The following CNTNAP2 variants were observed in gnomAD, a reference collection of about 807,000 sequenced individuals.
CNTNAP2 encodes contactin associated protein 2.
Under a neutral mutation model 155.2 loss-of-function variants are expected in CNTNAP2, and 98 were observed. The ratio of observed to expected loss-of-function variants is 0.63; its 90% CI spans 0.54 to 0.75. The LOEUF (loss-of-function observed/expected upper bound fraction) is 0.75, where lower values mean the gene tolerates loss of function less well. CNTNAP2 is among the 30% of genes least tolerant of loss of function. The pLI is 0.00. For synonymous variants in CNTNAP2, 651 were observed against 631.2 expected, an observed-to-expected ratio of 1.03 and a Z score of -0.47; for missense variants, 1,727 against 1,688.1, an observed-to-expected ratio of 1.02 and a Z score of -0.40.
chr7:146,343,207 G>A (rs1794761822), intron 1 of CNTNAP2, among the ~76,000 whole-genome samples: 1 of 151,904 alleles, frequency 6.6e-6, no homozygotes, highest in African/African-American at 2.4e-5. Context: ...ATGAAGATTT[G>A]TGTAAGAATA....
intron 21 of CNTNAP2, among the ~76,000 whole-genome samples, chr7:148,267,654 C>CAAAAAA (rs767655781): frequency 1.1e-5 from 1 of 87,092 alleles, no homozygotes; most frequent in Non-Finnish European, 2.4e-5. Flanking sequence ...GACTCTGTCT[C>CAAAAAA]AAAAAAAAAA....
At chr7:146,741,905 G>A (rs1231375238) in intron 1 of CNTNAP2, among the ~76,000 whole-genome samples, 1 of 151,916 alleles carries the variant, frequency 6.6e-6, no homozygotes, top group Non-Finnish European at 1.5e-5. Context: ...AAAATTGGAA[G>A]GAAAAAACCC....
intron 3 of CNTNAP2, among the ~76,000 whole-genome samples, chr7:146,947,022 A>AATTTATTC (rs1797191666): frequency 6.6e-6 from 1 of 151,826 alleles, no homozygotes; most frequent in Non-Finnish European, 1.5e-5. Flanking sequence ...TAAAAATATC[A>AATTTATTC]ATTTATTTAT....
intron 1 of CNTNAP2, among the ~76,000 whole-genome samples, chr7:146,363,424 A>G (rs1398159540): frequency 6.6e-6 from 1 of 152,238 alleles, no homozygotes; most frequent in Admixed American, 6.5e-5. Flanking sequence ...TCATGGGAAC[A>G]GATTATATTT....
At chr7:146,385,144 A>G (rs191710868) in intron 1 of CNTNAP2, among the ~76,000 whole-genome samples, 4 of 150,810 alleles carry the variant, frequency 2.7e-5, no homozygotes, top group Non-Finnish European at 5.9e-5. Context: ...ACCATATTCC[A>G]TTTTTTTTTC....
chr7:146,702,848 A>G (rs1234507881), intron 1 of CNTNAP2, among the ~76,000 whole-genome samples: 2 of 152,180 alleles, frequency 1.3e-5, no homozygotes, highest in Non-Finnish European at 2.9e-5. Context: ...TAAAGATCAT[A>G]TATAAACAAT....
chr7:146,669,250 A>G (rs577653175), intron 1 of CNTNAP2, among the ~76,000 whole-genome samples: 3 of 152,286 alleles, frequency 2.0e-5, no homozygotes, highest in Admixed American at 2.0e-4. Context: ...AGCAGTTTGA[A>G]GAACAGGCAG....
rs1475022149 is a variant in CNTNAP2, at chr7:146,483,283, ATATATATATATATATATATAT to A, written c.98-290987_98-290967del. ...AGAGCAAGACTCCGTCTAAAAAAAA[ATATATATATATATATATATAT>A]ATATATATATATATATATATATATA... On this transcript the variant is annotated intron_variant, in intron 1 of 23. Transcript: ENST00000361727. Among the ~76,000 whole-genome samples, 10 of 62,728 alleles carry A rather than the reference ATATATATATATATATATATAT, an allele frequency of 1.6e-4. No individual in the cohort carries two copies. The South Asian group carries it at 1.9e-3, about 12-fold the overall frequency. The allele number at this position is 62,728 out of a possible 152,430, so 41.2% of individuals were successfully genotyped here. A position where few individuals can be genotyped will look rare whatever the true frequency, so the allele number is the denominator to read the frequency against.
At chr7:147,637,004 T>G (rs1360395574) in intron 12 of CNTNAP2, among the ~76,000 whole-genome samples, 5 of 151,794 alleles carry the variant, frequency 3.3e-5, no homozygotes, top group African/African-American at 1.2e-4. Context: ...GCTGATGTGT[T>G]TGAGGAATGA....
intron 2 of CNTNAP2, among the ~76,000 whole-genome samples, chr7:146,811,196 GAGA>G (rs1803059971): frequency 6.6e-6 from 1 of 152,092 alleles, no homozygotes; most frequent in African/African-American, 2.4e-5. Flanking sequence ...GGGAGATTTT[GAGA>G]AGAATTGGTG....
intron 14 of CNTNAP2, among the ~76,000 whole-genome samples, chr7:147,930,102 C>T (rs1307284506): frequency 6.6e-6 from 1 of 151,440 alleles, no homozygotes; most frequent in African/African-American, 2.4e-5. Flanking sequence ...TTGGGAACCC[C>T]TGTATAGAGC....
intron 20 of CNTNAP2, among the ~76,000 whole-genome samples, chr7:148,263,629 A>C (rs796360394): frequency 7.9e-5 from 12 of 151,524 alleles, no homozygotes; most frequent in Admixed American, 6.6e-4. Context: ...CCCAGCTACT[A>C]GGGAGGCTGA....
At chr7:146,382,133 T>C (rs1306893074) in intron 1 of CNTNAP2, among the ~76,000 whole-genome samples, 1 of 152,180 alleles carries the variant, frequency 6.6e-6, no homozygotes, top group Non-Finnish European at 1.5e-5. Flanking sequence ...TGGAAACTTA[T>C]GACAAAGTAA....
At chr7:146,611,804 G>T (rs1799142758) in intron 1 of CNTNAP2, among the ~76,000 whole-genome samples, 1 of 152,136 alleles carries the variant, frequency 6.6e-6, no homozygotes, top group Non-Finnish European at 1.5e-5. Flanking sequence ...TGTGCCTTCA[G>T]ACTATCTTGA....
In CNTNAP2 at chr7:146,384,926, A is replaced by G. The variant is rs1795439412; in HGVS notation, c.97+267953A>G. Among the ~76,000 whole-genome samples, 6 of 152,268 alleles carry G rather than the reference A, an allele frequency of 3.9e-5. No individual in the cohort carries two copies. The South Asian group carries it at 1.2e-3, about 32-fold the overall frequency. On this transcript the variant is annotated intron_variant, in intron 1 of 23. Transcript: ENST00000361727. ...ATAATAATTGAGGGCGGTAAATGGG[A>G]TGATCTGGTTCACTATTTTATCATC...
chr7:147,922,287 G>T (rs772864553), intron 14 of CNTNAP2, among the ~76,000 whole-genome samples: 1 of 152,180 alleles, frequency 6.6e-6, no homozygotes, highest in Admixed American at 6.5e-5. Context: ...TGTATGAATT[G>T]GTTTTGTGTT....
At chr7:148,391,960 C>G (rs1440059027) in intron 22 of CNTNAP2, among the ~76,000 whole-genome samples, 1 of 152,188 alleles carries the variant, frequency 6.6e-6, no homozygotes, top group Non-Finnish European at 1.5e-5. Context: ...TACGTCAGAC[C>G]AAAAGCCACA....
chr7:148,386,130 C>G (rs1001668010), intron 22 of CNTNAP2, among the ~76,000 whole-genome samples: 4 of 152,204 alleles, frequency 2.6e-5, no homozygotes, highest in South Asian at 4.1e-4. Flanking sequence ...TGCTATGTAA[C>G]ATGAGATCCA....
intron 1 of CNTNAP2, among the ~76,000 whole-genome samples, chr7:146,272,493 C>T (rs1280571100): frequency 1.3e-5 from 2 of 152,140 alleles, no homozygotes; most frequent in South Asian, 2.1e-4. Flanking sequence ...TCAGCAATGA[C>T]CTTGGAGTGA....
Sources: allele counts gnomAD v4.1 joint callset (sites outside exome capture counted in the v4.1 genomes callset), GRCh38; gene constraint gnomAD v4.1.1; transcripts MANE v1.5; gene names NCBI Gene and HGNC (gene_info 2026-07-23, HGNC 2026-07-21).